ZFHX3: variants seen among roughly 807,000 people sequenced by gnomAD.
ZFHX3 encodes zinc finger homeobox protein 3.
In ZFHX3, 42 loss-of-function variants were observed where a neutral mutation model predicts 279.1. The ratio of observed to expected loss-of-function variants is 0.15; its 90% CI spans 0.12 to 0.19. The LOEUF (loss-of-function observed/expected upper bound fraction) is 0.19, where lower values mean the gene tolerates loss of function less well. Among genes scored for constraint, ZFHX3 ranks in the 10% least tolerant of loss-of-function variants. ZFHX3 has a pLI of 1.00. For missense variants in ZFHX3, 4,981 were observed against 4,754.0 expected (o/e 1.05, Z -1.40); for synonymous variants, 2,293 against 1,957.8 (o/e 1.17, Z -4.52).
chr16:73,641,989 C>T (rs750401831), intron 2 of ZFHX3, among the ~76,000 whole-genome samples: 2 of 151,960 alleles, frequency 1.3e-5, no homozygotes, highest in South Asian at 2.1e-4. Flanking sequence ...CATGCTCCTC[C>T]GACTCCTCCC....
chr16:73,795,950 C>A (rs546748680), intron 1 of ZFHX3, among the ~76,000 whole-genome samples: 1 of 152,194 alleles, frequency 6.6e-6, no homozygotes, highest in African/African-American at 2.4e-5. Context: ...ATAAAATTGG[C>A]AAATCCATAA....
intron 2 of ZFHX3, among the ~76,000 whole-genome samples, chr16:73,531,577 T>C (rs907278359): frequency 3.3e-5 from 5 of 151,788 alleles, no homozygotes; most frequent in Admixed American, 1.3e-4. Flanking sequence ...TAGCTGGGTA[T>C]GGCAGCACAC....
chr16:73,811,318 G>A (rs1320850129), intron 1 of ZFHX3, among the ~76,000 whole-genome samples: 1 of 152,128 alleles, frequency 6.6e-6, no homozygotes, highest in Non-Finnish European at 1.5e-5. Flanking sequence ...CCTTCTTTCT[G>A]GGTGATCTAA....
chr16:73,453,279 C>T (rs560469620), intron 3 of ZFHX3, among the ~76,000 whole-genome samples: 1 of 152,358 alleles, frequency 6.6e-6, no homozygotes, highest in African/African-American at 2.4e-5. Context: ...GAGGTAGAGT[C>T]TACTGTTCCA....
Position 72,797,631 on chromosome 16 carries a change from G to T in ZFHX3, c.5051C>A (p.Pro1684His), listed in dbSNP as rs1369863447. The change falls in exon 9 of 10, where the codon CCC becomes CAC. Residue 1684 changes from proline to histidine, a missense_variant. This residue lies in a region of ZFHX3 where 1,751 missense variants were observed against 1,770.0 expected (regional missense o/e 0.99). Transcript: ENST00000268489. ...APSSNLLSQV[P>H]TESVGMPPLG... is the part of the protein sequence containing the mutation. Reference sequence around the variant, plus strand: ...GGGTGGCATCCCTACACTCTCAGTGGGCACTTGGCTTAGTAAGTTAGAGCT... The same window carrying T: ...GGGTGGCATCCCTACACTCTCAGTGTGCACTTGGCTTAGTAAGTTAGAGCT... 9 of 1,614,162 alleles carry T rather than the reference G, an allele frequency of 5.6e-6. No individual in the cohort carries two copies. Among genetic ancestry groups the T allele is most frequent in the Non-Finnish European group, 7.6e-6 (9 of 1,180,038 alleles).
At chr16:72,807,510 A>G (rs2036301116) in intron 7 of ZFHX3, 1 of 152,236 alleles carries the variant, frequency 6.6e-6, no homozygotes, top group Non-Finnish European at 1.5e-5. Context: ...CCATAGCAAC[A>G]GACATATTAG....
intron 2 of ZFHX3, among the ~76,000 whole-genome samples, chr16:73,540,905 G>A (rs932520037): frequency 6.6e-6 from 1 of 152,144 alleles, no homozygotes; most frequent in African/African-American, 2.4e-5. Flanking sequence ...TACTGCTTGG[G>A]CTATGCTTCC....
rs776029583 is a variant in ZFHX3, at chr16:72,958,762, C to T, written c.1384G>A (p.Glu462Lys). 2 of 1,614,138 alleles carry T rather than the reference C, an allele frequency of 1.2e-6. No individual in the cohort carries two copies. The highest frequency in any genetic ancestry group is 4.5e-5 in the East Asian group (2 of 44,872). ...FSEKVEPAEE[E>K]AEEEEEEEEA... Reference sequence around the variant, plus strand: ...TCCTCCTCCTCTTCCTCCTCCGCCTCCTCTTCGGCTGGCTCTACCTTCTCA... The same window carrying T: ...TCCTCCTCCTCTTCCTCCTCCGCCTTCTCTTCGGCTGGCTCTACCTTCTCA... Residue 462 changes from glutamate to lysine, a missense_variant, in exon 2 of 10, where the codon GAG becomes AAG. Physicochemically the swap from Glu to Lys is moderately conservative, Grantham distance 56 (BLOSUM62 1). Coordinates refer to ENST00000268489, the MANE Select transcript of ZFHX3 (RefSeq NM_006885.4).
chr16:73,673,499 G>A (rs1056280508), intron 2 of ZFHX3, among the ~76,000 whole-genome samples: 2 of 152,010 alleles, frequency 1.3e-5, no homozygotes, highest in Non-Finnish European at 2.9e-5. Flanking sequence ...TCACCAAGAA[G>A]TAAGAGATTC....
intron 4 of ZFHX3, among the ~76,000 whole-genome samples, chr16:72,884,500 T>C (rs7193165): frequency 0.12 from 17,976 of 152,156 alleles, 2,160 homozygotes; most frequent in African/African-American, 0.31. Flanking sequence ...CTCCAACTCA[T>C]AAAAAGCCTT....
intron 2 of ZFHX3, among the ~76,000 whole-genome samples, chr16:73,510,612 T>C (rs146926105): frequency 2.0e-5 from 3 of 152,380 alleles, no homozygotes; most frequent in Non-Finnish European, 4.4e-5. Flanking sequence ...ATGTAGGTGA[T>C]ACACTGAACA....
chr16:73,129,762 G>A (rs1269945103), intron 7 of ZFHX3, among the ~76,000 whole-genome samples: 1 of 152,006 alleles, frequency 6.6e-6, no homozygotes, highest in African/African-American at 2.4e-5. Context: ...CAATGTCTGT[G>A]CTCATGCTCC....
intron 1 of ZFHX3, among the ~76,000 whole-genome samples, chr16:73,864,267 G>A (rs900705375): frequency 2.0e-5 from 3 of 152,124 alleles, no homozygotes; most frequent in Non-Finnish European, 4.4e-5. Context: ...CCCTATTAAC[G>A]TAGTCAACGT....
chr16:72,924,580 G>A (rs746215552), intron 3 of ZFHX3, among the ~76,000 whole-genome samples: 5 of 152,208 alleles, frequency 3.3e-5, no homozygotes, highest in Non-Finnish European at 7.3e-5. Context: ...CCGAATGAGG[G>A]TGAGATGGTA....
Position 72,786,990 on chromosome 16 carries a change from C to CGGCA in ZFHX3, c.*170_*173dup. 1 of 525,766 alleles carries CGGCA rather than the reference C, an allele frequency of 1.9e-6. No individual in the cohort carries two copies. Among genetic ancestry groups the CGGCA allele is most frequent in the Non-Finnish European group, 2.8e-6 (1 of 357,378 alleles). The allele number at this position is 525,766 out of a possible 1,614,324, so 32.6% of individuals were successfully genotyped here. ...GAAAAAGACAAGAATGTAAAATCAC[C>CGGCA]GGCATAGATAGGTATATGGGAAAAC... is the stretch of plus-strand genomic sequence containing the variant. On this transcript the variant is annotated 3_prime_UTR_variant, in exon 10 of 10. Transcript: ENST00000268489.
At chr16:73,079,713 G>A (rs1965924432) in intron 8 of ZFHX3, among the ~76,000 whole-genome samples, 1 of 152,084 alleles carries the variant, frequency 6.6e-6, no homozygotes, top group Non-Finnish European at 1.5e-5. Flanking sequence ...AACAAGAACA[G>A]TAACACTTGC....
chr16:73,553,540 G>A (rs1029075213), intron 2 of ZFHX3, among the ~76,000 whole-genome samples: 10 of 152,152 alleles, frequency 6.6e-5, no homozygotes, highest in Non-Finnish European at 1.3e-4. Flanking sequence ...TCCCTGTGGT[G>A]AATATGATGA....
intron 1 of ZFHX3, among the ~76,000 whole-genome samples, chr16:73,719,592 G>A (rs1271495467): frequency 6.6e-6 from 1 of 152,026 alleles, no homozygotes; most frequent in Non-Finnish European, 1.5e-5. Flanking sequence ...GTATGAGTCA[G>A]GCAATACAGT....
At chr16:73,753,386 G>A (rs933171734) in intron 1 of ZFHX3, among the ~76,000 whole-genome samples, 5 of 152,084 alleles carry the variant, frequency 3.3e-5, no homozygotes, top group South Asian at 2.1e-4. Context: ...CACATATACT[G>A]TGGCAGCAAT....
Sources: allele counts gnomAD v4.1 joint callset (sites outside exome capture counted in the v4.1 genomes callset), GRCh38; gene constraint gnomAD v4.1.1; regional missense constraint gnomAD v4.1.1; transcripts MANE v1.5; gene names NCBI Gene and HGNC (gene_info 2026-07-23, HGNC 2026-07-21).